Variants in CTNNA2 observed in about 807,000 individuals in gnomAD.
CTNNA2 encodes the protein catenin alpha 2, also known as catenin alpha-2.
A neutral mutation model predicts 101.0 loss-of-function variants in CTNNA2; 42 were observed. That is an observed-to-expected ratio of 0.42 (90% CI 0.32 to 0.54). The LOEUF is 0.54. Ranked by LOEUF, CTNNA2 falls within the 20% of genes least tolerant of loss-of-function variation. CTNNA2 has a pLI of 0.14. For synonymous variants in CTNNA2, 450 were observed against 456.4 expected (o/e 0.99, Z 0.18); for missense variants, 871 against 1,223.1 (o/e 0.71, Z 4.29).
At chr2:80,131,954 G>A (rs932359453) in intron 7 of CTNNA2, among the ~76,000 whole-genome samples, 5 of 152,020 alleles carry the variant, frequency 3.3e-5, no homozygotes, top group African/African-American at 1.2e-4. Flanking sequence ...GGTGGCAGGC[G>A]CCTGTAATCC....
At chr2:79,812,629 A>G (rs541034574) in intron 3 of CTNNA2, among the ~76,000 whole-genome samples, 20 of 152,296 alleles carry the variant, frequency 1.3e-4, no homozygotes, top group Admixed American at 4.6e-4. Flanking sequence ...CATTCTTCAC[A>G]TGCATCTTCG....
intron 4 of CTNNA2, among the ~76,000 whole-genome samples, chr2:79,393,256 G>A (rs1365231379): frequency 6.6e-6 from 1 of 152,174 alleles, no homozygotes; most frequent in Non-Finnish European, 1.5e-5. Flanking sequence ...ATATCAAAAA[G>A]CACCATGGAT....
At chr2:79,231,147 G>T (rs1365587975) in intron 2 of CTNNA2, among the ~76,000 whole-genome samples, 2 of 152,162 alleles carry the variant, frequency 1.3e-5, no homozygotes, top group African/African-American at 2.4e-5. Flanking sequence ...GAGGACATGA[G>T]ATTTGGGAGG....
chr2:79,504,289 TTTG>T (rs1671365100), intron 4 of CTNNA2, among the ~76,000 whole-genome samples: 1 of 152,180 alleles, frequency 6.6e-6, no homozygotes, highest in African/African-American at 2.4e-5. Context: ...TTAATCTTTT[TTTG>T]TTTGTTTGTT....
chr2:80,455,019 G>C (rs1683845065), intron 9 of CTNNA2, among the ~76,000 whole-genome samples: 1 of 152,234 alleles, frequency 6.6e-6, no homozygotes, highest in Admixed American at 6.5e-5. Flanking sequence ...GATATGCGGA[G>C]GCTGCATCCC....
intron 7 of CTNNA2, among the ~76,000 whole-genome samples, chr2:80,213,323 T>A (rs1340028859): frequency 2.0e-5 from 3 of 152,180 alleles, no homozygotes. Context: ...CAATTTTAGA[T>A]CTTTCCTGCT....
At chr2:80,640,645 A>C (rs1673367818) in intron 18 of CTNNA2, among the ~76,000 whole-genome samples, 1 of 152,230 alleles carries the variant, frequency 6.6e-6, no homozygotes, top group South Asian at 2.1e-4. Context: ...TAAGGACATC[A>C]AATAGGTCTT....
chr2:80,225,988 T>C (rs1708867356), intron 7 of CTNNA2, among the ~76,000 whole-genome samples: 1 of 151,922 alleles, frequency 6.6e-6, no homozygotes, highest in Non-Finnish European at 1.5e-5. Context: ...TTATCCTTTT[T>C]GTGTATAATG....
intron 7 of CTNNA2, among the ~76,000 whole-genome samples, chr2:79,930,621 C>A (rs1410325829): frequency 6.6e-6 from 1 of 152,162 alleles, no homozygotes; most frequent in Non-Finnish European, 1.5e-5. Flanking sequence ...GATCTTCTGA[C>A]TGTCAATTAA....
chr2:80,224,228 A>G (rs1325754749), intron 7 of CTNNA2, among the ~76,000 whole-genome samples: 2 of 152,190 alleles, frequency 1.3e-5, no homozygotes, highest in Non-Finnish European at 2.9e-5. Context: ...TTCTCAATTT[A>G]TACCAACCAC....
chr2:79,994,708 CA>C (rs912821131), intron 7 of CTNNA2, among the ~76,000 whole-genome samples: 2 of 149,270 alleles, frequency 1.3e-5, no homozygotes, highest in Admixed American at 6.7e-5. Flanking sequence ...ATGAAAAATG[CA>C]AAAAAAAAGC....
chr2:79,884,751 C>CTTTTTTTTTTTTTTTTTTTTTT (rs375184305), intron 6 of CTNNA2, among the ~76,000 whole-genome samples: 2 of 138,406 alleles, frequency 1.4e-5, no homozygotes, highest in Non-Finnish European at 1.5e-5. Context: ...TTTAAATATG[C>CTTTTTTTTTTTTTTTTTTTTTT]TTTTTTTTTT....
At chr2:80,176,963 G>A (rs546544037) in intron 7 of CTNNA2, among the ~76,000 whole-genome samples, 1 of 152,260 alleles carries the variant, frequency 6.6e-6, no homozygotes, top group East Asian at 1.9e-4. Flanking sequence ...ATGAATCCTG[G>A]CTATGGGAGA....
intron 3 of CTNNA2, among the ~76,000 whole-genome samples, chr2:79,845,327 A>G (rs1680153127): frequency 6.6e-6 from 1 of 151,990 alleles, no homozygotes; most frequent in South Asian, 2.1e-4. Context: ...AATATCTAGG[A>G]CCTAGAAAGT....
chr2:79,295,409 A>C (rs1486517325), intron 2 of CTNNA2, among the ~76,000 whole-genome samples: 1 of 152,184 alleles, frequency 6.6e-6, no homozygotes, highest in East Asian at 1.9e-4. Flanking sequence ...CAGAAGTAAA[A>C]GGCCATGGAC....
At chr2:79,474,916 C>T (rs1240105447) in intron 4 of CTNNA2, among the ~76,000 whole-genome samples, 1 of 152,092 alleles carries the variant, frequency 6.6e-6, no homozygotes, top group Non-Finnish European at 1.5e-5. Flanking sequence ...GGTATAGGCT[C>T]TTTCTAGTGG....
At chr2:79,382,005 A>G (rs1678045187) in intron 4 of CTNNA2, among the ~76,000 whole-genome samples, 1 of 152,212 alleles carries the variant, frequency 6.6e-6, no homozygotes, top group Non-Finnish European at 1.5e-5. Flanking sequence ...GTATTTCTGT[A>G]AAGGTGTTTC....
intron 2 of CTNNA2, among the ~76,000 whole-genome samples, chr2:79,674,364 A>G (rs1188948997): frequency 6.6e-6 from 1 of 152,224 alleles, no homozygotes; most frequent in Non-Finnish European, 1.5e-5. Flanking sequence ...GTCATCTTCC[A>G]TCTTTGCTGA....
intron 7 of CTNNA2, among the ~76,000 whole-genome samples, chr2:79,997,077 A>G (rs1692600545): frequency 6.6e-6 from 1 of 152,056 alleles, no homozygotes; most frequent in Admixed American, 6.6e-5. Flanking sequence ...CCTTTATAAC[A>G]CTGTCCAATT....
Sources: gnomAD v4.1 joint callset for allele counts (sites outside exome capture counted in the v4.1 genomes callset) on GRCh38, gnomAD v4.1.1 for gene constraint, MANE v1.5 for transcripts, NCBI Gene and HGNC (gene_info 2026-07-23, HGNC 2026-07-21) for gene names.